The following INSYN2A variants were observed in gnomAD, a reference collection of about 807,000 sequenced individuals.
INSYN2A encodes inhibitory synaptic factor 2A, also known as family with sequence similarity 196 member A.
In INSYN2A, 17 loss-of-function variants were observed where a neutral mutation model predicts 39.4. The observed-to-expected ratio is 0.43, with a 90% CI of 0.30 to 0.65. The LOEUF is 0.65. Among genes scored for constraint, INSYN2A ranks in the 30% least tolerant of loss-of-function variants. The probability of loss-of-function intolerance (pLI) is 0.14; values close to 1 mark genes in which losing one functional copy is unlikely to be tolerated. For synonymous variants in INSYN2A, 255 were observed against 265.7 expected (o/e 0.96, Z 0.39); for missense variants, 595 against 631.2 (o/e 0.94, Z 0.61).
intron 5 of INSYN2A, among the ~76,000 whole-genome samples, chr10:127,140,021 T>A (rs1327831841): frequency 6.6e-6 from 1 of 152,210 alleles, no homozygotes; most frequent in East Asian, 1.9e-4. Flanking sequence ...ATGTTAGGTA[T>A]AGAAGCGTAA....
intron 5 of INSYN2A, among the ~76,000 whole-genome samples, chr10:127,140,348 G>T (rs748056445): frequency 6.6e-6 from 1 of 152,130 alleles, no homozygotes; most frequent in Non-Finnish European, 1.5e-5. Context: ...GCTGCCCTGG[G>T]AATCTGCAAC....
At chr10:127,185,596 C>A (rs1172913053) in intron 2 of INSYN2A, among the ~76,000 whole-genome samples, 1 of 152,178 alleles carries the variant, frequency 6.6e-6, no homozygotes, top group African/African-American at 2.4e-5. Context: ...ATATTAATGG[C>A]TTCCAAGGAG....
intron 5 of INSYN2A, among the ~76,000 whole-genome samples, chr10:127,141,278 A>G (rs1405997152): frequency 6.6e-6 from 1 of 152,212 alleles, no homozygotes; most frequent in East Asian, 1.9e-4. Flanking sequence ...CATCTTCTCG[A>G]ATGCAGGCAC....
At chr10:127,189,271 T>C (rs1338107200) in intron 2 of INSYN2A, among the ~76,000 whole-genome samples, 1 of 152,244 alleles carries the variant, frequency 6.6e-6, no homozygotes, top group Non-Finnish European at 1.5e-5. Flanking sequence ...TTAGAACTGA[T>C]GCTTCCATGT....
chr10:127,190,664 T>TCCCCCCCCCCCCCCC (rs1491352928), intron 2 of INSYN2A, among the ~76,000 whole-genome samples: 1 of 15,230 alleles, frequency 6.6e-5, no homozygotes, highest in Non-Finnish European at 1.1e-4. Flanking sequence ...AAATCCTATC[T>TCCCCCCCCCCCCCCC]TCCCCCCCCC....
chr10:127,183,515 T>G (rs781559000), intron 2 of INSYN2A, among the ~76,000 whole-genome samples: 4 of 152,204 alleles, frequency 2.6e-5, no homozygotes, highest in Non-Finnish European at 5.9e-5. Flanking sequence ...TGAGCTTCTA[T>G]TCCTAAGCTG....
Position 127,175,280 on chromosome 10 carries a change from G to C in INSYN2A, c.1116C>G (p.Ser372Arg), listed in dbSNP as rs192681220. The C allele has an allele frequency of 6.2e-7, 1 of 1,614,102 alleles. No homozygotes were observed. The highest frequency in any genetic ancestry group is 8.5e-7 in the Non-Finnish European group (1 of 1,180,014). ...LQMMENLISSSQETIKVLLGV... is the reference protein window; with the variant it reads ...LQMMENLISSRQETIKVLLGV... ...CCAAGAGCACTTTGATGGTTTCTTGGCTTGAACTGATCAAGTTCTCCATCA... is the reference window on the plus strand; with the variant it reads ...CCAAGAGCACTTTGATGGTTTCTTGCCTTGAACTGATCAAGTTCTCCATCA... Residue 372 changes from serine (S) to arginine (R), a missense_variant, in exon 4 of 6, where the codon AGC becomes AGG. By Grantham distance (110) the Ser-to-Arg change is moderately radical. Transcript: ENST00000522781. The surrounding 1 kb of genome is among the most constrained non-coding windows in gnomAD (Gnocchi z 6.3).
chr10:127,192,000 T>G (rs752693943), intron 2 of INSYN2A, among the ~76,000 whole-genome samples: 1 of 152,260 alleles, frequency 6.6e-6, no homozygotes, highest in Non-Finnish European at 1.5e-5. Context: ...TATTAAGGGC[T>G]GAACTGGAAT....
At chr10:127,185,602 A>G (rs1384226259) in intron 2 of INSYN2A, among the ~76,000 whole-genome samples, 1 of 152,202 alleles carries the variant, frequency 6.6e-6, no homozygotes, top group African/African-American at 2.4e-5. Context: ...ATGGCTTCCA[A>G]GGAGTCTTTT....
rs751966410 is a variant in INSYN2A, at chr10:127,167,321, A to G, written c.1184+7891T>C. Reference sequence around the variant, plus strand: ...ATAAAAGCCATTAGTTTCAACAGAAAAAGAAAAGAAAATGGCTTCCCTGAA... The same window carrying G: ...ATAAAAGCCATTAGTTTCAACAGAAGAAGAAAAGAAAATGGCTTCCCTGAA... On this transcript the variant is annotated intron_variant, in intron 4 of 5. Transcript: ENST00000522781. Among the ~76,000 whole-genome samples, 19 of 152,208 alleles carry G rather than the reference A, an allele frequency of 1.2e-4. 1 individual carries two copies. Among genetic ancestry groups the G allele is most frequent in the Non-Finnish European group, 2.5e-4 (17 of 68,038 alleles).
intron 5 of INSYN2A, among the ~76,000 whole-genome samples, chr10:127,151,316 C>T (rs1417558760): frequency 1.3e-5 from 2 of 152,032 alleles, no homozygotes; most frequent in Non-Finnish European, 2.9e-5. Flanking sequence ...TGACAGGACT[C>T]AATGAAATAA....
intron 5 of INSYN2A, among the ~76,000 whole-genome samples, chr10:127,146,509 G>C (rs2051867562): frequency 1.3e-5 from 2 of 152,152 alleles, no homozygotes; most frequent in African/African-American, 2.4e-5. Context: ...AGATCTGTCA[G>C]AATCATTCTT....
chr10:127,161,265 A>G (rs890446446), intron 4 of INSYN2A, among the ~76,000 whole-genome samples: 1 of 152,230 alleles, frequency 6.6e-6, no homozygotes, highest in African/African-American at 2.4e-5. Context: ...ATTTGAGGGA[A>G]CAGCCAATTT....
At chr10:127,156,808 T>A (rs530891762) in intron 4 of INSYN2A, among the ~76,000 whole-genome samples, 2 of 152,298 alleles carry the variant, frequency 1.3e-5, no homozygotes, top group East Asian at 3.9e-4. Context: ...CCTCAAGTGA[T>A]CTTCCCGCCT....
chr10:127,143,157 T>C (rs1220996713), intron 5 of INSYN2A, among the ~76,000 whole-genome samples: 4 of 152,228 alleles, frequency 2.6e-5, no homozygotes, highest in Admixed American at 1.3e-4. Context: ...ATCCTCAAGA[T>C]AATTTAAGAG....
chr10:127,188,092 G>C (rs978908439), intron 2 of INSYN2A, among the ~76,000 whole-genome samples: 1 of 152,156 alleles, frequency 6.6e-6, no homozygotes, highest in African/African-American at 2.4e-5. Context: ...GGGAGGTTGA[G>C]CCCCTTCCAT....
intron 5 of INSYN2A, among the ~76,000 whole-genome samples, chr10:127,152,462 T>C (rs1411649489): frequency 6.6e-6 from 1 of 152,246 alleles, no homozygotes; most frequent in Non-Finnish European, 1.5e-5. Flanking sequence ...GCCAGGCTGC[T>C]GCAGGGGCCC....
At chr10:127,179,618 G>A (rs1056550838) in intron 2 of INSYN2A, among the ~76,000 whole-genome samples, 7 of 152,096 alleles carry the variant, frequency 4.6e-5, no homozygotes, top group African/African-American at 1.7e-4. Flanking sequence ...TCTTTTCGGG[G>A]TGTTCATTTG....
intron 5 of INSYN2A, among the ~76,000 whole-genome samples, chr10:127,143,658 G>A (rs1033296783): frequency 2.6e-5 from 4 of 152,150 alleles, no homozygotes; most frequent in Non-Finnish European, 5.9e-5. Context: ...CCGGTTTTAT[G>A]TGAGTGCCAT....
Sources: allele counts gnomAD v4.1 joint callset (sites outside exome capture counted in the v4.1 genomes callset), GRCh38; gene constraint gnomAD v4.1.1; non-coding constraint Gnocchi (gnomAD v3.1); transcripts MANE v1.5; gene names NCBI Gene and HGNC (gene_info 2026-07-23, HGNC 2026-07-21).